SYNE1: variants seen among roughly 807,000 people sequenced by gnomAD.
SYNE1 encodes nesprin-1.
Under a neutral mutation model 1,111.0 loss-of-function variants are expected in SYNE1, and 616 were observed. That is an observed-to-expected ratio of 0.55 (90% CI 0.52 to 0.59). SYNE1 has a LOEUF of 0.59. SYNE1 is among the 20% of genes least tolerant of loss of function. SYNE1 has a pLI of 0.00. For missense variants in SYNE1, 10,006 were observed against 10,417.0 expected (o/e 0.96, Z 1.72); for synonymous variants, 3,855 against 3,825.8 (o/e 1.01, Z -0.28).
intron 130 of SYNE1, among the ~76,000 whole-genome samples, chr6:152,170,321 G>T (rs1296998405): frequency 6.6e-6 from 1 of 152,196 alleles, no homozygotes; most frequent in Non-Finnish European, 1.5e-5. Context: ...GTTTCTAAAA[G>T]AATGAGACTG....
chr6:152,403,955 T>C (rs1161410867), intron 46 of SYNE1, among the ~76,000 whole-genome samples: 1 of 152,022 alleles, frequency 6.6e-6, no homozygotes, highest in African/African-American at 2.4e-5. Context: ...ACAATCCACA[T>C]GTTTCCTTGG....
chr6:152,548,613 C>T (rs2099326279), intron 3 of SYNE1, among the ~76,000 whole-genome samples: 1 of 152,188 alleles, frequency 6.6e-6, no homozygotes, highest in Non-Finnish European at 1.5e-5. Context: ...CGATGCAACA[C>T]AGGACTTAGA....
At position 152,220,978 on chromosome 6, in the gene SYNE1, T is replaced by C. The variant is rs759103923; in HGVS notation, c.21725A>G (p.Gln7242Arg). The C allele has an allele frequency of 6.2e-7, 1 of 1,614,168 alleles. No individual in the cohort carries two copies. Among genetic ancestry groups the C allele is most frequent in the South Asian group, 1.1e-5 (1 of 91,080 alleles). The change falls in exon 119 of 146, where the codon CAA (glutamine) becomes CGA (arginine). Residue 7242 changes from glutamine (Q) to arginine (R), a missense_variant. Gln to Arg is a conservative substitution (Grantham distance 43). This residue lies in a region of SYNE1 where 2,182 missense variants were observed against 2,287.8 expected (regional missense o/e 0.95). Transcript: ENST00000367255. ...QSSKALLQLW[Q>R]RYKDYSKQCA... is the part of the protein sequence containing the mutation. Reference sequence around the variant, plus strand: ...CTGTTTGGAGTAGTCCTTGTATCTTTGCCAAAGCTGAAGTAGGGCCTTGCT... The same window carrying C: ...CTGTTTGGAGTAGTCCTTGTATCTTCGCCAAAGCTGAAGTAGGGCCTTGCT...
intron 141 of SYNE1, among the ~76,000 whole-genome samples, chr6:152,135,669 TCTC>T (rs759892210): frequency 6.6e-6 from 1 of 152,164 alleles, no homozygotes; most frequent in African/African-American, 2.4e-5. Flanking sequence ...TTACTAAAGA[TCTC>T]CTACAGATAA....
chr6:152,238,858 C>A (rs2084844850), intron 108 of SYNE1, among the ~76,000 whole-genome samples: 1 of 152,042 alleles, frequency 6.6e-6, no homozygotes, highest in Non-Finnish European at 1.5e-5. Flanking sequence ...CCAAGAGCAA[C>A]CGCATTTGGG....
intron 3 of SYNE1, among the ~76,000 whole-genome samples, chr6:152,545,643 T>C (rs912042743): frequency 3.3e-5 from 5 of 152,168 alleles, no homozygotes; most frequent in Non-Finnish European, 5.9e-5. Flanking sequence ...TATATATAGG[T>C]AAGCATGAAA....
intron 3 of SYNE1, among the ~76,000 whole-genome samples, chr6:152,586,626 G>C (rs1013611022): frequency 4.7e-5 from 7 of 149,878 alleles, no homozygotes; most frequent in African/African-American, 1.7e-4. Context: ...ACTTAGCACT[G>C]ATGCTGGCTA....
At chr6:152,156,591 A>T (rs971486471) in intron 131 of SYNE1, among the ~76,000 whole-genome samples, 1 of 152,214 alleles carries the variant, frequency 6.6e-6, no homozygotes, top group African/African-American at 2.4e-5. Flanking sequence ...TCTTGAGATT[A>T]CTTATAATAC....
intron 4 of SYNE1, among the ~76,000 whole-genome samples, chr6:152,534,766 T>C (rs1337291008): frequency 1.3e-5 from 2 of 152,234 alleles, no homozygotes; most frequent in Non-Finnish European, 2.9e-5. Flanking sequence ...TTCCATGTTA[T>C]CTTTCAGCAC....
At position 152,234,676 on chromosome 6, in the gene SYNE1, C is replaced by A. The variant is rs377688328; in HGVS notation, c.20521G>T (p.Ala6841Ser). 3.7e-6 allele frequency: 6 copies of A among 1,614,192 alleles called. No homozygotes were observed. In the Admixed American group the frequency reaches 1.0e-4, roughly 27 times the overall value. ...TAGATTCTTAGACTTACCAGGAAAG[C>A]ATTTAGATGATCACGGACCATTTCC... ...ELEMVRDHLN[A>S]FLEFSKEVDA... Residue 6841 changes from alanine (A) to serine (S), a missense_variant, in exon 111 of 146, where the codon GCT becomes TCT. This residue lies in a region of SYNE1 where 2,182 missense variants were observed against 2,287.8 expected (regional missense o/e 0.95). Transcript: ENST00000367255.
At chr6:152,349,321 A>G (rs575898302) in intron 72 of SYNE1, among the ~76,000 whole-genome samples, 58 of 152,246 alleles carry the variant, frequency 3.8e-4, no homozygotes, top group Non-Finnish European at 7.2e-4. Flanking sequence ...TCCTCATATT[A>G]GTTTTGTACT....
chr6:152,224,702 T>C (rs2081043747), intron 116 of SYNE1, 38 bp from the exon 117 acceptor site: 8 of 1,583,808 alleles, frequency 5.1e-6, no homozygotes, highest in Admixed American at 1.7e-5. Context: ...AATTTCATAA[T>C]ATCTAGAATG....
chr6:152,188,979 AAAAAAATATATATATAT>A (rs1312742920), intron 128 of SYNE1, among the ~76,000 whole-genome samples: 7 of 42,838 alleles, frequency 1.6e-4, no homozygotes, highest in South Asian at 9.5e-4. Flanking sequence ...AAAAAAAAAA[AAAAAAATATATATATAT>A]ATATATATAT....
At chr6:152,490,482 CTGATCAAT>C (rs1201847130) in intron 11 of SYNE1, among the ~76,000 whole-genome samples, 1 of 152,198 alleles carries the variant, frequency 6.6e-6, no homozygotes, top group African/African-American at 2.4e-5. Flanking sequence ...CCCATCCTAA[CTGATCAAT>C]TGATCTTGTG....
At chr6:152,509,224 G>A (rs1167957889) in intron 8 of SYNE1, among the ~76,000 whole-genome samples, 3 of 149,744 alleles carry the variant, frequency 2.0e-5, no homozygotes, top group Admixed American at 1.3e-4. Flanking sequence ...CTTTTTGAGA[G>A]CACTCTTTTT....
chr6:152,454,645 A>C (rs1446489604), intron 24 of SYNE1, among the ~76,000 whole-genome samples: 1 of 152,242 alleles, frequency 6.6e-6, no homozygotes, highest in Non-Finnish European at 1.5e-5. Context: ...ACACAGTCTC[A>C]GGAGTAGACA....
intron 38 of SYNE1, among the ~76,000 whole-genome samples, chr6:152,426,229 A>T (rs2098352575): frequency 6.6e-6 from 1 of 152,260 alleles, no homozygotes; most frequent in Admixed American, 6.5e-5. Context: ...AATGATAGGT[A>T]TGGCACAGCA....
chr6:152,506,697 A>G (rs1415994214), intron 8 of SYNE1, among the ~76,000 whole-genome samples: 1 of 152,086 alleles, frequency 6.6e-6, no homozygotes, highest in Non-Finnish European at 1.5e-5. Context: ...ATGTGCCACA[A>G]TACCTGGCTA....
rs779393480 is a variant in SYNE1, at chr6:152,409,214, T to C, written c.6394A>G (p.Lys2132Glu). 6.2e-7 allele frequency: 1 copy of C among 1,614,102 alleles called. No individual in the cohort carries two copies. Among genetic ancestry groups the C allele is most frequent in the Non-Finnish European group, 8.5e-7 (1 of 1,179,994 alleles). The change falls in exon 44 of 146, where the codon AAG becomes GAG. Residue 2132 changes from lysine to glutamate, a missense_variant. Transcript: ENST00000367255. ...TTCTGTTTGTAATTCATTTTGTTCT[T>C]GGCAGTTTCATGCTGTGGATAAATG... ...KWAFSKHETA[K>E]NKMNYKQKDL...
Sources: gnomAD v4.1 joint callset for allele counts (sites outside exome capture counted in the v4.1 genomes callset) on GRCh38, gnomAD v4.1.1 for gene constraint, gnomAD v4.1.1 regional missense constraint, MANE v1.5 for transcripts, NCBI Gene and HGNC (gene_info 2026-07-23, HGNC 2026-07-21) for gene names.